Variants in WHRN observed in about 807,000 individuals in gnomAD.
The protein encoded by WHRN is CASK-interacting protein CIP98.
Under a neutral mutation model 68.3 loss-of-function variants are expected in WHRN, and 41 were observed. That is an observed-to-expected ratio of 0.60 (90% CI 0.47 to 0.78). WHRN has a LOEUF of 0.78. Among genes scored for constraint, WHRN ranks in the 30% least tolerant of loss-of-function variants. The pLI, the probability that WHRN is intolerant of heterozygous loss-of-function variation, is 0.00. For missense variants in WHRN, 1,243 were observed against 1,244.7 expected, an observed-to-expected ratio of 1.00 and a Z score of 0.02; for synonymous variants, 560 against 561.3, an observed-to-expected ratio of 1.00 and a Z score of 0.03.
intron 1 of WHRN, among the ~76,000 whole-genome samples, chr9:114,479,247 C>G (rs955533519): frequency 1.3e-5 from 2 of 152,166 alleles, no homozygotes; most frequent in Admixed American, 1.3e-4. Flanking sequence ...GTCTACCAGC[C>G]CCCAATAAAA....
chr9:114,408,926 C>A (rs543945418), intron 7 of WHRN, among the ~76,000 whole-genome samples: 2 of 152,198 alleles, frequency 1.3e-5, no homozygotes, highest in African/African-American at 2.4e-5. Flanking sequence ...GGCAAATTTG[C>A]GCGCTCTTCT....
At chr9:114,492,046 T>C (rs1333511667) in intron 1 of WHRN, among the ~76,000 whole-genome samples, 1 of 150,774 alleles carries the variant, frequency 6.6e-6, no homozygotes, top group African/African-American at 2.4e-5. Flanking sequence ...AACTTCACTA[T>C]TTAAGTTATG....
At chr9:114,419,439 C>T (rs542316329) in intron 7 of WHRN, among the ~76,000 whole-genome samples, 10 of 152,318 alleles carry the variant, frequency 6.6e-5, no homozygotes, top group South Asian at 2.1e-4. Context: ...ACCGCACGTG[C>T]GATCGCTGCC....
intron 3 of WHRN, among the ~76,000 whole-genome samples, chr9:114,447,484 G>A (rs186904075): frequency 1.3e-5 from 2 of 152,168 alleles, no homozygotes; most frequent in South Asian, 2.1e-4. Context: ...CAGTTATCAG[G>A]TAGTACTCCT....
At chr9:114,467,614 C>T (rs548965818) in intron 2 of WHRN, among the ~76,000 whole-genome samples, 1 of 152,200 alleles carries the variant, frequency 6.6e-6, no homozygotes, top group Admixed American at 6.5e-5. Flanking sequence ...TCGCAGTGGC[C>T]ACAGCAGGTG....
At chr9:114,492,784 A>G (rs1843097433) in intron 1 of WHRN, among the ~76,000 whole-genome samples, 1 of 152,000 alleles carries the variant, frequency 6.6e-6, no homozygotes, top group African/African-American at 2.4e-5. Flanking sequence ...CCAAGAGCTC[A>G]CGACCAGCCT....
intron 7 of WHRN, among the ~76,000 whole-genome samples, chr9:114,413,100 TGG>T (rs1835568060): frequency 6.6e-6 from 1 of 152,112 alleles, no homozygotes; most frequent in Non-Finnish European, 1.5e-5. Flanking sequence ...ATTCTGTATG[TGG>T]GGAAACTGAG....
At chr9:114,434,187 T>C (rs1179756783) in intron 3 of WHRN, among the ~76,000 whole-genome samples, 2 of 152,182 alleles carry the variant, frequency 1.3e-5, no homozygotes, top group African/African-American at 2.4e-5. Flanking sequence ...AGTTTAGCTC[T>C]AAACTTAATA....
Position 114,504,949 on chromosome 9 carries a change from G to T in WHRN, c.-148C>A. The T allele has an allele frequency of 8.6e-7, 1 of 1,168,930 alleles. No homozygotes were observed. Among genetic ancestry groups the T allele is most frequent in the Non-Finnish European group, 1.1e-6 (1 of 911,866 alleles). 72.4% of individuals were successfully genotyped at this position (1,168,930 alleles called of 1,614,324 possible). A position where few individuals can be genotyped will look rare whatever the true frequency, so the allele number is the denominator to read the frequency against. On this transcript the variant is annotated 5_prime_UTR_variant, in exon 1 of 12. Coordinates refer to ENST00000362057, the MANE Select transcript of WHRN (RefSeq NM_015404.4). ...TTGGGGAGCACGGGTACAGTGGCTG[G>T]ATCCTAGGGGGTCGCGGAGACCGCT...
intron 1 of WHRN, among the ~76,000 whole-genome samples, chr9:114,490,422 T>G (rs2133297176): frequency 6.6e-6 from 1 of 152,320 alleles, no homozygotes; most frequent in East Asian, 1.9e-4. Context: ...TTAGTGCTAT[T>G]TAGATATGCC....
At position 114,504,244 on chromosome 9, in the gene WHRN, G is replaced by C. The variant is rs1257263790; in HGVS notation, c.558C>G (p.Asp186Glu). 2 of 1,614,008 alleles carry C rather than the reference G, an allele frequency of 1.2e-6. No individual in the cohort carries two copies. The highest frequency in any genetic ancestry group is 2.7e-5 in the African/African-American group (2 of 74,934). Residue 186 changes from aspartate to glutamate, a missense_variant, in exon 1 of 12, where the codon GAC (aspartate) becomes GAG (glutamate). By Grantham distance (45) the Asp-to-Glu change is conservative. Coordinates refer to ENST00000362057, the MANE Select transcript of WHRN (RefSeq NM_015404.4). Reference protein sequence around the residue: ...LAEKEGLRVGDQILRVNDKSL... With the variant: ...LAEKEGLRVGEQILRVNDKSL... ...ATTTGTCGTTGACGCGCAGAATCTG[G>C]TCCCCGACCCGCAGTCCTTCCTTCT...
At chr9:114,425,663 G>A in intron 4 of WHRN, 1 of 224,470 alleles carries the variant, frequency 4.5e-6, no homozygotes, top group Non-Finnish European at 8.6e-6. Flanking sequence ...AGACAGACAT[G>A]CTCTGCAGTG....
chr9:114,423,449 C>T lies in WHRN; in HGVS notation c.1491G>A (p.Arg497=), dbSNP rs558895210. 2 of 1,614,124 alleles carry T rather than the reference C, an allele frequency of 1.2e-6. No individual in the cohort carries two copies. Among genetic ancestry groups the T allele is most frequent in the Non-Finnish European group, 1.7e-6 (2 of 1,180,010 alleles). Residue 497 remains arginine, a synonymous_variant, in exon 7 of 12, where the codon AGG becomes AGA. Coordinates refer to ENST00000362057, the MANE Select transcript of WHRN (RefSeq NM_015404.4). ...DLERFDHLVL[R]REIESMKARQ... is the part of the protein sequence containing the mutation. ...GCGCCTTCATGGACTCAATCTCACG[C>T]CTCAGCACCAGGTGGTCGAAGCGTT...
intron 1 of WHRN, among the ~76,000 whole-genome samples, chr9:114,490,686 G>T (rs957682480): frequency 2.0e-5 from 3 of 152,142 alleles, no homozygotes; most frequent in African/African-American, 7.2e-5. Context: ...ACATTTTAAA[G>T]TCCCTGCTCT....
At chr9:114,403,375 G>T in intron 10 of WHRN, 36 bp from the exon 11 acceptor site, 1 of 1,613,450 alleles carries the variant, frequency 6.2e-7, no homozygotes, top group East Asian at 2.2e-5. Context: ...TGAGGCCTTC[G>T]CAGTTGGCAG....
chr9:114,422,421 G>C (rs561112593), intron 7 of WHRN, among the ~76,000 whole-genome samples: 1 of 152,308 alleles, frequency 6.6e-6, no homozygotes, highest in East Asian at 1.9e-4. Flanking sequence ...CAATGCATAT[G>C]CTCCTGCTCC....
chr9:114,480,351 T>C (rs1842002175), intron 1 of WHRN, among the ~76,000 whole-genome samples: 2 of 152,140 alleles, frequency 1.3e-5, no homozygotes, highest in African/African-American at 4.8e-5. Flanking sequence ...TGTATTTCCC[T>C]CCAGATCCAT....
chr9:114,439,412 C>T (rs1838174506), intron 3 of WHRN, among the ~76,000 whole-genome samples: 2 of 152,208 alleles, frequency 1.3e-5, no homozygotes, highest in South Asian at 4.1e-4. Context: ...AGAAGCTCTA[C>T]TTCACATGGC....
intron 7 of WHRN, among the ~76,000 whole-genome samples, chr9:114,408,599 C>T (rs1221754829): frequency 2.0e-5 from 3 of 152,212 alleles, no homozygotes. Context: ...ATTTGTGGGC[C>T]GTCTATGGGG....
Sources: gnomAD v4.1 joint callset for allele counts (sites outside exome capture counted in the v4.1 genomes callset) on GRCh38, gnomAD v4.1.1 for gene constraint, MANE v1.5 for transcripts, NCBI Gene and HGNC (gene_info 2026-07-23, HGNC 2026-07-21) for gene names.